The following MYRF variants were observed in gnomAD, a reference collection of about 807,000 sequenced individuals.
The protein encoded by MYRF is myelin gene regulatory factor.
Under a neutral mutation model 126.3 loss-of-function variants are expected in MYRF, and 16 were observed. The observed-to-expected ratio is 0.13, with a 90% CI of 0.09 to 0.19. The LOEUF (loss-of-function observed/expected upper bound fraction) is 0.19. Among genes scored for constraint, MYRF ranks in the 10% least tolerant of loss-of-function variants. MYRF has a pLI of 1.00. For missense variants in MYRF, 1,104 were observed against 1,547.0 expected (o/e 0.71, Z 4.80); for synonymous variants, 608 against 635.3 (o/e 0.96, Z 0.65).
chr11:61,781,856 C>A (rs771976342), intron 22 of MYRF, 32 bp downstream of exon 22: 1 of 1,505,542 alleles, frequency 6.6e-7, no homozygotes, highest in East Asian at 2.3e-5. Context: ...CTACCCAGCC[C>A]AGCCTGGCAA....
intron 1 of MYRF, among the ~76,000 whole-genome samples, chr11:61,764,449 G>T (rs1335076943): frequency 5.3e-5 from 8 of 152,248 alleles, no homozygotes; most frequent in Admixed American, 5.2e-4. Context: ...GGCGCAGAGA[G>T]TGCATGTGAC....
Position 61,783,072 on chromosome 11 carries a change from A to G in MYRF, c.3017-426A>G, listed in dbSNP as rs950260103. 1 of 163,500 alleles carries G rather than the reference A, an allele frequency of 6.1e-6. No homozygotes were observed. Among genetic ancestry groups the G allele is most frequent in the African/African-American group, 2.4e-5 (1 of 41,852 alleles). The allele number at this position is 163,500 out of a possible 1,614,324, so 10.1% of individuals were successfully genotyped here. A position where few individuals can be genotyped will look rare whatever the true frequency, so the allele number is the denominator to read the frequency against. Reference sequence around the variant, plus strand: ...AGGCTGCGAGGAGCAGCGTGCTGGTAGCGGTGTAATCATCGGCCTCGGGGC... The same window carrying G: ...AGGCTGCGAGGAGCAGCGTGCTGGTGGCGGTGTAATCATCGGCCTCGGGGC... On this transcript the variant is annotated intron_variant, in intron 22 of 26. Coordinates refer to ENST00000278836, the MANE Select transcript of MYRF (RefSeq NM_001127392.3). This position sits in a 1 kb window ranked among gnomAD's most constrained non-coding sequence, Gnocchi z 4.6.
At chr11:61,785,522 A>G (rs746714590) in intron 25 of MYRF, 3 of 517,726 alleles carry the variant, frequency 5.8e-6, no homozygotes, top group Non-Finnish European at 1.1e-5. Flanking sequence ...CCCAGAGCAT[A>G]GTGGGTGAGG....
rs1253698820 is a variant in MYRF at position 61,783,893 on chromosome 11, C to T, written c.3162C>T (p.Thr1054=). The T allele has an allele frequency of 1.2e-6, 2 of 1,609,134 alleles. No homozygotes were observed. Among genetic ancestry groups the T allele is most frequent in the Non-Finnish European group, 1.7e-6 (2 of 1,177,630 alleles). ...FTYHIPVSSG[T]PLHLSLTLQM... ...ACCACATCCCTGTCAGTAGTGGCAC[C>T]CCACTGCACCTCAGCCTGACTCTGC... The change falls in exon 24 of 27, where the codon ACC becomes ACT. Residue 1054 remains threonine, a synonymous_variant. Coordinates refer to ENST00000278836, the MANE Select transcript of MYRF (RefSeq NM_001127392.3). This position sits in a 1 kb window ranked among gnomAD's most constrained non-coding sequence, Gnocchi z 4.6.
chr11:61,784,617 G>A, intron 25 of MYRF: 3 of 536,350 alleles, frequency 5.6e-6, no homozygotes, highest in Non-Finnish European at 1.0e-5. Context: ...TGGAGACGTG[G>A]GGAAGACAGC....
Position 61,770,272 on chromosome 11 carries a change from CCT to C in MYRF, c.488_489del (p.Pro163ArgfsTer64). The C allele has an allele frequency of 6.2e-7, 1 of 1,608,780 alleles. No individual in the cohort carries two copies. The highest frequency in any genetic ancestry group is 8.5e-7 in the Non-Finnish European group (1 of 1,178,950). ...NEPHLLRTIT[P>X]ETLCHVGVPS... ...GCCCCACCTCCTGCGCACGATAACC[CCT>C]GAGACACTGTGCCACGTGGGAGTGC... On this transcript the variant is annotated frameshift_variant, in exon 5 of 27. Transcript: ENST00000278836. LOFTEE classifies it high-confidence loss of function.
chr11:61,753,388 T>C (rs150702721), intron 1 of MYRF, among the ~76,000 whole-genome samples: 23 of 152,040 alleles, frequency 1.5e-4, no homozygotes, highest in Non-Finnish European at 2.8e-4. Flanking sequence ...CTGGATCCCC[T>C]TGGAGACTGC....
At position 61,783,981 on chromosome 11, in the gene MYRF, G is replaced by T; in HGVS notation, c.3194+56G>T. On this transcript the variant is annotated intron_variant, in intron 24 of 26. Transcript: ENST00000278836. The surrounding 1 kb of genome is among the most constrained non-coding windows in gnomAD (Gnocchi z 4.6). Reference sequence around the variant, plus strand: ...GGAGGGGAGCCAGGGAGAATCTCCCGCAGAGCCTCAGAACAGCCGAGTCTG... The same window carrying T: ...GGAGGGGAGCCAGGGAGAATCTCCCTCAGAGCCTCAGAACAGCCGAGTCTG... The T allele has an allele frequency of 6.5e-7, 1 of 1,544,406 alleles. No homozygotes were observed. Among genetic ancestry groups the T allele is most frequent in the Non-Finnish European group, 8.8e-7 (1 of 1,135,666 alleles).
At chr11:61,754,762 G>A (rs1300632107) in intron 1 of MYRF, among the ~76,000 whole-genome samples, 1 of 152,226 alleles carries the variant, frequency 6.6e-6, no homozygotes, top group African/African-American at 2.4e-5. Context: ...GGGAGCAGGG[G>A]AGGGGTGTGA....
At chr11:61,769,139 C>A in intron 3 of MYRF, 121 bp from the exon 4 acceptor site, 1 of 637,098 alleles carries the variant, frequency 1.6e-6, no homozygotes, top group South Asian at 1.9e-5. Flanking sequence ...GTGGATGTGA[C>A]GAAACCTCAG....
intron 7 of MYRF, among the ~76,000 whole-genome samples, chr11:61,773,356 A>T (rs1180712343): frequency 6.6e-6 from 1 of 152,210 alleles, no homozygotes; most frequent in Non-Finnish European, 1.5e-5. Context: ...AAACCCAGCA[A>T]CAGATGGGCA....
intron 18 of MYRF, 124 bp downstream of exon 18, chr11:61,780,414 GGGT>G (rs889252614): frequency 2.3e-6 from 2 of 852,678 alleles, no homozygotes; most frequent in African/African-American, 3.4e-5. Flanking sequence ...TAGCCTGCTG[GGGT>G]GCTGTGGGGA....
intron 24 of MYRF, 159 bp from the exon 25 acceptor site, chr11:61,784,121 G>T (rs1287460712): frequency 1.1e-5 from 10 of 950,324 alleles, no homozygotes; most frequent in African/African-American, 3.3e-5. Flanking sequence ...AGGACCACAT[G>T]GGATGGTCGA....
In MYRF at chr11:61,778,721, AACCCTGT is replaced by A. The variant is rs2066455450; in HGVS notation, c.2013+233_2013+239del. On this transcript the variant is annotated intron_variant, in intron 14 of 26. Transcript: ENST00000278836. This position sits in a 1 kb window ranked among gnomAD's most constrained non-coding sequence, Gnocchi z 4.6. ...AGCCTGTGTGATCAAGGGCAAGAGA[AACCCTGT>A]GGAGGGCCATGGCCTTCCACCCCCG... is the stretch of plus-strand genomic sequence containing the variant. 4.6e-6 allele frequency: 3 copies of A among 649,102 alleles called. No homozygotes were observed. Among genetic ancestry groups the A allele is most frequent in the Non-Finnish European group, 8.5e-6 (3 of 350,936 alleles). The allele number at this position is 649,102 out of a possible 1,614,324, so 40.2% of individuals were successfully genotyped here.
intron 5 of MYRF, 143 bp downstream of exon 5, chr11:61,770,668 G>T (rs2066193817): frequency 5.3e-6 from 4 of 751,838 alleles, no homozygotes; most frequent in Non-Finnish European, 8.4e-6. Context: ...GCAGATGGGG[G>T]TAACATATTT....
Position 61,771,652 on chromosome 11 carries a change from C to G in MYRF, c.893C>G (p.Pro298Arg). The G allele has an allele frequency of 6.2e-7, 1 of 1,613,958 alleles. No homozygotes were observed. Among genetic ancestry groups the G allele is most frequent in the South Asian group, 1.1e-5 (1 of 91,086 alleles). ...ACTCGAGCCCCATCGCCACCCTGGC[C>G]TCCCCAGGGTCCGCTCTCCCCGGGC... ...HPTRAPSPPW[P>R]PQGPLSPGPG... is the part of the protein sequence containing the mutation. The change falls in exon 6 of 27, where the codon CCT becomes CGT. Residue 298 changes from proline (P) to arginine (R), a missense_variant. Physicochemically the swap from Pro to Arg is moderately radical, Grantham distance 103. Transcript: ENST00000278836.
chr11:61,762,454 C>G (rs1382796109), intron 1 of MYRF, among the ~76,000 whole-genome samples: 1 of 152,210 alleles, frequency 6.6e-6, no homozygotes, highest in Non-Finnish European at 1.5e-5. Flanking sequence ...TCTTGAGGAT[C>G]AGAACGAGCC....
intron 5 of MYRF, 125 bp from the exon 6 acceptor site, chr11:61,771,375 A>G: frequency 7.7e-7 from 1 of 1,300,890 alleles, no homozygotes; most frequent in Non-Finnish European, 1.0e-6. Flanking sequence ...TTCCTGAAGG[A>G]GGTGTCCTCT....
Position 61,757,652 on chromosome 11 carries a change from C to T in MYRF, c.46+4862C>T, listed in dbSNP as rs879636785. 40 of 426,226 alleles carry T rather than the reference C, an allele frequency of 9.4e-5. No homozygotes were observed. In the Admixed American group the frequency reaches 1.0e-3, roughly 11 times the overall value. 26.4% of individuals were successfully genotyped at this position (426,226 alleles called of 1,614,324 possible). A position where few individuals can be genotyped will look rare whatever the true frequency, so the allele number is the denominator to read the frequency against. On this transcript the variant is annotated intron_variant, in intron 1 of 26. Coordinates refer to ENST00000278836, the MANE Select transcript of MYRF (RefSeq NM_001127392.3). The surrounding 1 kb of genome is among the most constrained non-coding windows in gnomAD (Gnocchi z 4.7). Reference sequence around the variant, plus strand: ...ATCCAGTGGGGCCCGCCCCACCTCCCCCTCTGAGATTTGGGTTCTGTTCTT... The same window carrying T: ...ATCCAGTGGGGCCCGCCCCACCTCCTCCTCTGAGATTTGGGTTCTGTTCTT...
Sources: allele counts gnomAD v4.1 joint callset (sites outside exome capture counted in the v4.1 genomes callset), GRCh38; gene constraint gnomAD v4.1.1; non-coding constraint Gnocchi (gnomAD v3.1); transcripts MANE v1.5; gene names NCBI Gene and HGNC (gene_info 2026-07-23, HGNC 2026-07-21).